Variants in PARD3 observed in about 807,000 individuals in gnomAD.
PARD3 encodes the protein partitioning defective 3 homolog.
Under a neutral mutation model 155.4 loss-of-function variants are expected in PARD3, and 75 were observed. The ratio of observed to expected loss-of-function variants is 0.48; its 90% CI spans 0.40 to 0.58. The LOEUF is 0.58. PARD3 is among the 20% of genes least tolerant of loss of function. The probability of loss-of-function intolerance (pLI) is 0.00; values close to 1 mark genes in which losing one functional copy is unlikely to be tolerated. For synonymous variants in PARD3, 576 were observed against 610.5 expected (o/e 0.94, Z 0.83); for missense variants, 1,642 against 1,721.7 (o/e 0.95, Z 0.82).
At chr10:34,458,199 A>C (rs566286879) in intron 4 of PARD3, among the ~76,000 whole-genome samples, 1 of 152,056 alleles carries the variant, frequency 6.6e-6, no homozygotes, top group African/African-American at 2.4e-5. Context: ...ATTTTGTTTT[A>C]ATTTTTTATT....
At chr10:34,426,167 C>T (rs370443268) in intron 5 of PARD3, among the ~76,000 whole-genome samples, 2 of 152,160 alleles carry the variant, frequency 1.3e-5, no homozygotes, top group African/African-American at 2.4e-5. Flanking sequence ...ATCTCTATCA[C>T]TTACTAGGTA....
At chr10:34,634,165 T>A (rs1032215643) in intron 2 of PARD3, among the ~76,000 whole-genome samples, 2 of 152,164 alleles carry the variant, frequency 1.3e-5, no homozygotes, top group African/African-American at 4.8e-5. Context: ...ACCCTGGGAA[T>A]AGATCCAAGG....
chr10:34,222,522 C>G, intron 22 of PARD3, among the ~76,000 whole-genome samples: 1 of 152,210 alleles, frequency 6.6e-6, no homozygotes, highest in East Asian at 1.9e-4. Flanking sequence ...ACAGCAGCAA[C>G]AGCAGAAGCT....
At chr10:34,309,548 C>CAAAAAAAAAAAAAAA (rs1173904388) in intron 20 of PARD3, among the ~76,000 whole-genome samples, 4 of 64,032 alleles carry the variant, frequency 6.2e-5, no homozygotes, top group East Asian at 7.7e-4. Flanking sequence ...ACCCTGTCTC[C>CAAAAAAAAAAAAAAA]AAAAAAAAAA....
intron 5 of PARD3, among the ~76,000 whole-genome samples, chr10:34,444,436 C>A (rs1217938927): frequency 2.6e-5 from 4 of 152,292 alleles, no homozygotes; most frequent in South Asian, 4.2e-4. Flanking sequence ...GAAACAGTTA[C>A]CATTAAAAAG....
intron 2 of PARD3, among the ~76,000 whole-genome samples, chr10:34,560,481 C>A (rs1369849414): frequency 6.6e-6 from 1 of 152,156 alleles, no homozygotes; most frequent in African/African-American, 2.4e-5. Flanking sequence ...AAGGCCAATA[C>A]AGACAATGTC....
At chr10:34,489,440 C>T (rs185536424) in intron 3 of PARD3, among the ~76,000 whole-genome samples, 20 of 152,308 alleles carry the variant, frequency 1.3e-4, no homozygotes, top group Admixed American at 1.2e-3. Context: ...GGGAGTATGA[C>T]GGAAGCACTT....
intron 2 of PARD3, among the ~76,000 whole-genome samples, chr10:34,595,934 C>T (rs2089209675): frequency 6.6e-6 from 1 of 152,120 alleles, no homozygotes; most frequent in Non-Finnish European, 1.5e-5. Flanking sequence ...CGAGACCAGC[C>T]TCCCCAACAT....
intron 22 of PARD3, among the ~76,000 whole-genome samples, chr10:34,242,818 C>T (rs1953694481): frequency 6.6e-6 from 1 of 152,062 alleles, no homozygotes; most frequent in Admixed American, 6.5e-5. Context: ...ACCTGTAATC[C>T]CAGCTACTCG....
intron 1 of PARD3, among the ~76,000 whole-genome samples, chr10:34,771,583 A>G (rs1051891223): frequency 4.6e-5 from 7 of 152,268 alleles, no homozygotes; most frequent in African/African-American, 1.7e-4. Flanking sequence ...GACGTCGGTC[A>G]GCCCGACCTA....
intron 2 of PARD3, among the ~76,000 whole-genome samples, chr10:34,642,108 G>T (rs2092697065): frequency 6.6e-6 from 1 of 151,892 alleles, no homozygotes; most frequent in Admixed American, 6.5e-5. Context: ...CACGGCCCCT[G>T]TCCACCCTGG....
At chr10:34,463,338 TGGGAAGGGGAAG>T (rs1280737154) in intron 4 of PARD3, among the ~76,000 whole-genome samples, 1 of 54,046 alleles carries the variant, frequency 1.9e-5, no homozygotes, top group Admixed American at 2.7e-4. Flanking sequence ...GGAATGGGAA[TGGGAAGGGGAAG>T]GGGAAGGGGA....
intron 7 of PARD3, among the ~76,000 whole-genome samples, chr10:34,393,612 C>T (rs1017788016): frequency 4.6e-5 from 7 of 151,582 alleles, no homozygotes; most frequent in Non-Finnish European, 8.8e-5. Context: ...AACTTTAGGC[C>T]AGGTACAGCC....
intron 1 of PARD3, among the ~76,000 whole-genome samples, chr10:34,746,839 T>C (rs1171554606): frequency 3.3e-5 from 5 of 152,198 alleles, no homozygotes; most frequent in Non-Finnish European, 7.4e-5. Flanking sequence ...ACATTTTTAC[T>C]AAAAGGGAGC....
intron 14 of PARD3, among the ~76,000 whole-genome samples, chr10:34,349,580 T>TAAAAAAAAAAAAAAA: frequency 2.7e-4 from 12 of 44,712 alleles, no homozygotes; most frequent in African/African-American, 1.0e-3. Context: ...TCTGGGAAAG[T>TAAAAAAAAAAAAAAA]AAAAAAAAAA....
At chr10:34,269,021 A>G (rs1027232046) in intron 22 of PARD3, among the ~76,000 whole-genome samples, 16 of 152,216 alleles carry the variant, frequency 1.1e-4, no homozygotes, top group Non-Finnish European at 1.9e-4. Context: ...CATGATCATT[A>G]CACATTCTAT....
In PARD3 at chr10:34,646,452, A is replaced by G. The variant is rs528196529; in HGVS notation, c.222+49866T>C. On this transcript the variant is annotated intron_variant, in intron 2 of 24. Coordinates refer to ENST00000374788, the MANE Select transcript of PARD3 (RefSeq NM_001184785.2). ...ACATATTTTAATATGTTTAAATGAT[A>G]GCAATGCTATAAAGTGTTATTTCTC... Among the ~76,000 whole-genome samples, 15 of 152,322 alleles carry G rather than the reference A, an allele frequency of 9.8e-5. No homozygotes were observed. In the South Asian group the frequency reaches 3.1e-3, roughly 32 times the overall value.
intron 22 of PARD3, among the ~76,000 whole-genome samples, chr10:34,180,394 T>C (rs1450021387): frequency 6.6e-6 from 1 of 152,146 alleles, no homozygotes; most frequent in Non-Finnish European, 1.5e-5. Flanking sequence ...ATTACACTGT[T>C]TATAAAACTC....
chr10:34,565,338 G>C (rs1317321005), intron 2 of PARD3, among the ~76,000 whole-genome samples: 1 of 126,358 alleles, frequency 7.9e-6, no homozygotes, highest in African/African-American at 3.0e-5. Context: ...CGCAATCTCA[G>C]CTCACTGCAG....
Sources: allele counts gnomAD v4.1 joint callset (sites outside exome capture counted in the v4.1 genomes callset), GRCh38; gene constraint gnomAD v4.1.1; transcripts MANE v1.5; gene names NCBI Gene and HGNC (gene_info 2026-07-23, HGNC 2026-07-21).